ZNF385D: variants seen among roughly 807,000 people sequenced by gnomAD.
The protein encoded by ZNF385D is zinc finger protein 659.
Under a neutral mutation model 35.8 loss-of-function variants are expected in ZNF385D, and 15 were observed. The ratio of observed to expected loss-of-function variants is 0.42; its 90% CI spans 0.28 to 0.64. The LOEUF (loss-of-function observed/expected upper bound fraction) is 0.64. Among genes scored for constraint, ZNF385D ranks in the 30% least tolerant of loss-of-function variants. ZNF385D has a pLI of 0.23. For synonymous variants in ZNF385D, 212 were observed against 186.8 expected, an observed-to-expected ratio of 1.13 and a Z score of -1.10; for missense variants, 474 against 494.6, an observed-to-expected ratio of 0.96 and a Z score of 0.39.
intron 2 of ZNF385D, among the ~76,000 whole-genome samples, chr3:22,229,421 G>T (rs887248268): frequency 6.6e-6 from 1 of 152,146 alleles, no homozygotes; most frequent in African/African-American, 2.4e-5. Flanking sequence ...CAGTGAGGGG[G>T]ACCCTTGTTG....
intron 4 of ZNF385D, among the ~76,000 whole-genome samples, chr3:21,484,940 A>G (rs1010003459): frequency 2.0e-5 from 3 of 152,136 alleles, no homozygotes; most frequent in African/African-American, 7.2e-5. Flanking sequence ...TAAAGGAAAC[A>G]AACCAAAAAT....
chr3:22,226,666 A>T (rs1576526538), intron 2 of ZNF385D, among the ~76,000 whole-genome samples: 1 of 152,180 alleles, frequency 6.6e-6, no homozygotes, highest in Admixed American at 6.6e-5. Context: ...CAAGCTTTCA[A>T]CACTTGCCTC....
At chr3:21,617,389 G>A (rs528791033) in intron 2 of ZNF385D, among the ~76,000 whole-genome samples, 7 of 152,252 alleles carry the variant, frequency 4.6e-5, no homozygotes, top group Middle Eastern at 3.4e-3. Context: ...GACCTTGAGG[G>A]AATCACAACT....
intron 3 of ZNF385D, among the ~76,000 whole-genome samples, chr3:21,950,227 T>C (rs1220877455): frequency 6.6e-6 from 1 of 151,846 alleles, no homozygotes; most frequent in Non-Finnish European, 1.5e-5. Flanking sequence ...TGTTGTTTCC[T>C]GACTTTTTAA....
At chr3:21,930,271 A>G (rs893471965) in intron 3 of ZNF385D, among the ~76,000 whole-genome samples, 1 of 137,626 alleles carries the variant, frequency 7.3e-6, no homozygotes, top group African/African-American at 2.5e-5. Context: ...CTTTTTTTAT[A>G]CTGTACAAAA....
At chr3:21,663,890 A>AATAT (rs66691637) in intron 2 of ZNF385D, among the ~76,000 whole-genome samples, 3,931 of 64,372 alleles carry the variant, frequency 0.061, 406 homozygotes, top group African/African-American at 0.13. Flanking sequence ...TTGTGGGCCG[A>AATAT]ATATATATAT....
chr3:21,866,413 G>A (rs7629986), intron 3 of ZNF385D, among the ~76,000 whole-genome samples: 1 of 151,920 alleles, frequency 6.6e-6, no homozygotes, highest in Non-Finnish European at 1.5e-5. Flanking sequence ...AAGATCGCAC[G>A]ATTGCACTCT....
chr3:22,030,220 T>C (rs1172514928), intron 3 of ZNF385D, among the ~76,000 whole-genome samples: 2 of 130,866 alleles, frequency 1.5e-5, no homozygotes, highest in African/African-American at 2.9e-5. Flanking sequence ...TTGTGGGATC[T>C]TGCGATCATG....
At chr3:21,900,012 T>C (rs770492931) in intron 3 of ZNF385D, among the ~76,000 whole-genome samples, 1 of 152,182 alleles carries the variant, frequency 6.6e-6, no homozygotes, top group Admixed American at 6.6e-5. Context: ...TGGCAAGACA[T>C]GCTTTTCAAC....
At chr3:21,452,470 G>A (rs940651822) in intron 4 of ZNF385D, among the ~76,000 whole-genome samples, 2 of 152,010 alleles carry the variant, frequency 1.3e-5, no homozygotes, top group African/African-American at 4.8e-5. Context: ...GATTAGAGAA[G>A]CAGAAGTAAA....
chr3:21,761,168 G>A (rs1370107690), intron 3 of ZNF385D, among the ~76,000 whole-genome samples: 1 of 152,098 alleles, frequency 6.6e-6, no homozygotes, highest in South Asian at 2.1e-4. Context: ...ACCTTGGAAG[G>A]GGATTCTTCA....
chr3:21,424,516 T>G (rs1162479769), intron 6 of ZNF385D, among the ~76,000 whole-genome samples: 1 of 150,280 alleles, frequency 6.7e-6, no homozygotes, highest in Non-Finnish European at 1.5e-5. Flanking sequence ...GGTTTCACCA[T>G]CTTGGCCAGG....
chr3:22,344,413 G>T (rs371252741), intron 2 of ZNF385D, among the ~76,000 whole-genome samples: 1 of 151,858 alleles, frequency 6.6e-6, no homozygotes, highest in East Asian at 1.9e-4. Flanking sequence ...TTGAGACAGG[G>T]TCTCCTCGCT....
intron 3 of ZNF385D, among the ~76,000 whole-genome samples, chr3:22,115,384 T>C (rs183083609): frequency 3.9e-5 from 6 of 152,208 alleles, no homozygotes; most frequent in Admixed American, 1.3e-4. Context: ...TGTGCACAAG[T>C]AGAAAGAGAA....
chr3:21,973,646 G>A (rs1703407807), intron 3 of ZNF385D, among the ~76,000 whole-genome samples: 1 of 151,946 alleles, frequency 6.6e-6, no homozygotes, highest in African/African-American at 2.4e-5. Flanking sequence ...ATCCTTGTTT[G>A]CAGATGATAT....
chr3:21,515,336 C>T (rs757793434), intron 3 of ZNF385D, among the ~76,000 whole-genome samples: 2 of 152,136 alleles, frequency 1.3e-5, no homozygotes, highest in Non-Finnish European at 2.9e-5. Flanking sequence ...TTTTACAAAA[C>T]ATGTCTTATG....
chr3:22,185,089 C>T (rs1165633240), intron 2 of ZNF385D, among the ~76,000 whole-genome samples: 2 of 152,120 alleles, frequency 1.3e-5, no homozygotes, highest in Non-Finnish European at 2.9e-5. Context: ...AACTTCAGTT[C>T]ACTGTATCTA....
intron 2 of ZNF385D, among the ~76,000 whole-genome samples, chr3:22,206,370 A>G (rs1247180632): frequency 1.3e-5 from 2 of 151,990 alleles, no homozygotes; most frequent in African/African-American, 4.8e-5. Context: ...TGGACAGATC[A>G]TCAAAACAAA....
At chr3:22,338,825 T>C (rs1047092519) in intron 2 of ZNF385D, among the ~76,000 whole-genome samples, 2 of 150,974 alleles carry the variant, frequency 1.3e-5, no homozygotes, top group Non-Finnish European at 2.9e-5. Context: ...CTCAGCCTCC[T>C]GGGTAGCTGG....
Sources: gnomAD v4.1 joint callset for allele counts (sites outside exome capture counted in the v4.1 genomes callset) on GRCh38, gnomAD v4.1.1 for gene constraint, MANE v1.5 for transcripts, NCBI Gene and HGNC (gene_info 2026-07-23, HGNC 2026-07-21) for gene names.